Variants in AOPEP observed in about 807,000 individuals in gnomAD.
AOPEP encodes aminopeptidase O (putative), also known as aminopeptidase O.
A neutral mutation model predicts 98.1 loss-of-function variants in AOPEP; 77 were observed. The observed-to-expected ratio is 0.78, with a 90% confidence interval of 0.65 to 0.95. The LOEUF (loss-of-function observed/expected upper bound fraction) is 0.95. AOPEP is among the 40% of genes least tolerant of loss of function. The pLI is 0.00. For missense variants in AOPEP, 1,024 were observed against 1,024.7 expected, an observed-to-expected ratio of 1.00 and a Z score of 0.01; for synonymous variants, 346 against 365.3, an observed-to-expected ratio of 0.95 and a Z score of 0.60.
chr9:95,044,889 T>C (rs2133664285), intron 13 of AOPEP, among the ~76,000 whole-genome samples: 1 of 152,248 alleles, frequency 6.6e-6, no homozygotes, highest in African/African-American at 2.4e-5. Flanking sequence ...ACCTGTAGTT[T>C]ACATTTGAGG....
intron 3 of AOPEP, among the ~76,000 whole-genome samples, chr9:94,775,458 CT>C (rs1841881304): frequency 6.6e-6 from 1 of 151,900 alleles, no homozygotes; most frequent in Admixed American, 6.6e-5. Flanking sequence ...CAACCTCTGC[CT>C]CCCGGGTTCA....
At chr9:94,997,328 T>C (rs2061305322) in intron 11 of AOPEP, among the ~76,000 whole-genome samples, 1 of 152,246 alleles carries the variant, frequency 6.6e-6, no homozygotes, top group African/African-American at 2.4e-5. Context: ...CAACATTGTG[T>C]CTGCCATCTG....
At chr9:95,144,845 C>T in the AOPEP span, among the ~76,000 whole-genome samples, 4 of 152,260 alleles carry the variant, frequency 2.6e-5, no homozygotes, top group East Asian at 3.9e-4. Context: ...AGGAAAGAAT[C>T]GAGCGCCGCG....
intron 10 of AOPEP, among the ~76,000 whole-genome samples, chr9:94,970,101 A>G (rs1178055204): frequency 6.6e-6 from 1 of 152,130 alleles, no homozygotes; most frequent in Non-Finnish European, 1.5e-5. Context: ...TTCTGTGTAA[A>G]CTTCTCTTTC....
chr9:95,036,593 C>A (rs1373217724), intron 13 of AOPEP, among the ~76,000 whole-genome samples: 2 of 152,094 alleles, frequency 1.3e-5, no homozygotes, highest in East Asian at 3.8e-4. Flanking sequence ...CACTTCATTC[C>A]TTTCGGTAAA....
At chr9:95,140,279 A>G in the AOPEP span, among the ~76,000 whole-genome samples, 12 of 152,090 alleles carry the variant, frequency 7.9e-5, no homozygotes, top group Non-Finnish European at 1.2e-4. Flanking sequence ...CCTGGACAGG[A>G]CGCTCTCCCC....
At position 94,995,977 on chromosome 9, in the gene AOPEP, C is replaced by T. The variant is rs2061196040; in HGVS notation, c.1978-9181C>T. On this transcript the variant is annotated intron_variant, in intron 11 of 16. Transcript: ENST00000375315. ...GAGTTTGCTGCTTGGCTGATCAGTG[C>T]TGGATCAAGTTCACATTCCCCGGCT... 2.0e-5 allele frequency among the ~76,000 whole-genome samples: 3 copies of T among 152,138 alleles called. No homozygotes were observed. In the South Asian group the frequency reaches 6.2e-4, roughly 32 times the overall value.
chr9:95,037,909 T>A (rs2133498123), intron 13 of AOPEP, among the ~76,000 whole-genome samples: 1 of 152,304 alleles, frequency 6.6e-6, no homozygotes, highest in Non-Finnish European at 1.5e-5. Context: ...ACCCTGAGTG[T>A]CATGCCGTGG....
At chr9:95,144,646 T>C in the AOPEP span, among the ~76,000 whole-genome samples, 1 of 152,224 alleles carries the variant, frequency 6.6e-6, no homozygotes, top group African/African-American at 2.4e-5. Context: ...GCTGAGACCA[T>C]ATTCTCCTGT....
intron 9 of AOPEP, among the ~76,000 whole-genome samples, chr9:94,964,262 A>G (rs2059042512): frequency 2.0e-5 from 3 of 152,182 alleles, no homozygotes; most frequent in South Asian, 4.1e-4. Context: ...GCTCTGAGGT[A>G]GGAAGAGGCA....
chr9:94,942,770 A>G (rs1466535776), intron 7 of AOPEP, among the ~76,000 whole-genome samples: 3 of 152,214 alleles, frequency 2.0e-5, no homozygotes, highest in Non-Finnish European at 2.9e-5. Context: ...ATTTCCATAC[A>G]CTAGCTAAGA....
the AOPEP span, among the ~76,000 whole-genome samples, chr9:95,096,651 CAGG>C: frequency 2.0e-5 from 3 of 152,050 alleles, no homozygotes; most frequent in Admixed American, 2.0e-4. Context: ...AGGAGGGGGT[CAGG>C]AGAAGAGGAG....
intron 13 of AOPEP, among the ~76,000 whole-genome samples, chr9:95,050,634 C>T (rs984037911): frequency 6.6e-6 from 1 of 152,252 alleles, no homozygotes; most frequent in East Asian, 1.9e-4. Context: ...CACCTCCCCC[C>T]TGCTCCTTAG....
intron 5 of AOPEP, among the ~76,000 whole-genome samples, chr9:94,814,792 G>A (rs1365330683): frequency 1.3e-5 from 2 of 152,188 alleles, no homozygotes; most frequent in Non-Finnish European, 2.9e-5. Flanking sequence ...ATGGCATAAG[G>A]ATTTTGCACT....
At chr9:94,849,892 A>G (rs2043330174) in intron 5 of AOPEP, among the ~76,000 whole-genome samples, 1 of 152,086 alleles carries the variant, frequency 6.6e-6, no homozygotes, top group African/African-American at 2.4e-5. Context: ...AAAATTAGCC[A>G]GGCGTGGTGG....
At chr9:95,149,725 C>T in the AOPEP span, among the ~76,000 whole-genome samples, 5 of 152,114 alleles carry the variant, frequency 3.3e-5, no homozygotes, top group African/African-American at 7.2e-5. Context: ...GTGATCCACC[C>T]GCCTTGGCCT....
At chr9:95,147,388 T>C in the AOPEP span, among the ~76,000 whole-genome samples, 1 of 152,138 alleles carries the variant, frequency 6.6e-6, no homozygotes. Context: ...TGATGGTGCA[T>C]GCCTGTAATC....
At chr9:95,104,746 C>T in the AOPEP span, among the ~76,000 whole-genome samples, 5 of 152,138 alleles carry the variant, frequency 3.3e-5, no homozygotes, top group African/African-American at 2.4e-5. Context: ...CAAACTCCCA[C>T]GCTGACCCCT....
intron 1 of AOPEP, among the ~76,000 whole-genome samples, chr9:94,749,778 T>A: frequency 6.6e-6 from 1 of 152,232 alleles, no homozygotes. Flanking sequence ...ATTACAGCAT[T>A]TATGCCTAAT....
Sources: allele counts gnomAD v4.1 joint callset (sites outside exome capture counted in the v4.1 genomes callset), GRCh38; gene constraint gnomAD v4.1.1; transcripts MANE v1.5; gene names NCBI Gene and HGNC (gene_info 2026-07-23, HGNC 2026-07-21).